PSG3: variants seen among roughly 807,000 people sequenced by gnomAD.
PSG3 encodes pregnancy-specific beta-1-glycoprotein 3.
PSG3 carries 61 observed loss-of-function variants against 47.5 expected under a neutral mutation model. The ratio of observed to expected loss-of-function variants is 1.28; its 90% CI spans 1.05 to 1.59. PSG3 has a LOEUF of 1.59. Ranked by LOEUF, PSG3 falls within the 40% of genes most tolerant of loss-of-function variation. PSG3 has a pLI of 0.00. For missense variants in PSG3, 756 were observed against 524.0 expected, an observed-to-expected ratio of 1.44 and a Z score of -4.32; for synonymous variants, 263 against 198.4, an observed-to-expected ratio of 1.33 and a Z score of -2.74.
At chr19:42,726,048 G>T (rs922284261) in intron 5 of PSG3, among the ~76,000 whole-genome samples, 1 of 151,896 alleles carries the variant, frequency 6.6e-6, no homozygotes, top group African/African-American at 2.4e-5. Flanking sequence ...AAATATGAAT[G>T]GAACTATAAT....
chr19:42,723,609 G>T (rs1969329768), intron 6 of PSG3, among the ~76,000 whole-genome samples: 2 of 152,234 alleles, frequency 1.3e-5, no homozygotes, highest in South Asian at 2.1e-4. Flanking sequence ...TTGAGAAGTG[G>T]TTGAGCTTTA....
intron 2 of PSG3, among the ~76,000 whole-genome samples, chr19:42,737,039 A>G (rs538346236): frequency 1.1e-4 from 17 of 152,148 alleles, no homozygotes; most frequent in African/African-American, 3.6e-4. Flanking sequence ...GGACACAGAG[A>G]AGCAGAGAGA....
chr19:42,729,673 G>C, intron 4 of PSG3, 105 bp downstream of exon 4: 1 of 1,566,290 alleles, frequency 6.4e-7, no homozygotes, highest in Non-Finnish European at 8.6e-7. Context: ...ATGTCCAGAA[G>C]TAATGGTATC....
intron 1 of PSG3, among the ~76,000 whole-genome samples, 174 bp downstream of exon 1, chr19:42,740,147 C>T (rs1240668403): frequency 2.6e-5 from 4 of 152,002 alleles, no homozygotes; most frequent in Non-Finnish European, 5.9e-5. Flanking sequence ...AGAGACAGGG[C>T]TTCACTGTGT....
chr19:42,740,381 C>T lies in PSG3; in HGVS notation c.4G>A (p.Gly2Arg). The part of the protein sequence containing the change: M[G>R]PLSAPPCTQR... ...GTGCAGGGAGGGGCTGAGAGGGGCC[C>T]CATGGTCTCTGCTGCCTGCGTGTTC... Residue 2 changes from glycine (G) to arginine (R), a missense_variant, in exon 1 of 7, where the codon GGG becomes AGG. By Grantham distance (125) the Gly-to-Arg change is moderately radical. Coordinates refer to ENST00000327495, the MANE Select transcript of PSG3 (RefSeq NM_021016.4). 1.2e-6 allele frequency: 2 copies of T among 1,614,026 alleles called. No homozygotes were observed. Among genetic ancestry groups the T allele is most frequent in the South Asian group, 1.1e-5 (1 of 91,070 alleles).
chr19:42,732,718 G>T (rs1263926204), intron 3 of PSG3, 66 bp downstream of exon 3: 25 of 1,613,966 alleles, frequency 1.5e-5, no homozygotes, highest in Non-Finnish European at 2.0e-5. Flanking sequence ...GGACTGAGAG[G>T]CCTGGCCTCT....
At chr19:42,734,602 G>A (rs1027561428) in intron 2 of PSG3, among the ~76,000 whole-genome samples, 4 of 152,184 alleles carry the variant, frequency 2.6e-5, no homozygotes, top group Non-Finnish European at 5.9e-5. Flanking sequence ...GCTGGTAGTA[G>A]TATTTCTCTT....
intron 5 of PSG3, among the ~76,000 whole-genome samples, chr19:42,725,542 A>G (rs1969362281): frequency 6.6e-6 from 1 of 152,196 alleles, no homozygotes; most frequent in Non-Finnish European, 1.5e-5. Flanking sequence ...AAAAAAGAGA[A>G]AAGTTTAAAA....
chr19:42,738,842 A>G lies in PSG3; in HGVS notation c.312T>C (p.Asn104=), dbSNP rs1162227725. ...TGACATTCTGGATCAGCAGGGATGC[A>G]TTGGAATATACTGTTTCTCGTCCAC... ...AYSGRETVYS[N]ASLLIQNVTR... is the part of the protein sequence containing the mutation. Residue 104 remains asparagine, a synonymous_variant, in exon 2 of 7, where the codon AAT becomes AAC. Coordinates refer to ENST00000327495, the MANE Select transcript of PSG3 (RefSeq NM_021016.4). The G allele has an allele frequency of 5.0e-6, 8 of 1,613,998 alleles. No homozygotes were observed. The highest frequency in any genetic ancestry group is 4.0e-5 in the African/African-American group (3 of 74,904).
At chr19:42,729,458 C>T (rs1408539874) in intron 4 of PSG3, 81 bp from the exon 5 acceptor site, 5 of 1,543,434 alleles carry the variant, frequency 3.2e-6, no homozygotes, top group Non-Finnish European at 4.4e-6. Context: ...GACACAGTGA[C>T]CCTCTGAGCC....
intron 5 of PSG3, among the ~76,000 whole-genome samples, chr19:42,728,162 T>C: frequency 6.6e-6 from 1 of 152,190 alleles, no homozygotes; most frequent in East Asian, 1.9e-4. Context: ...AGAGGTTTAA[T>C]ATGGTAAGAG....
rs1299966620 is a variant in PSG3, at chr19:42,724,003, A to G, written c.1266T>C (p.Leu422=). The G allele has an allele frequency of 1.2e-6, 2 of 1,612,096 alleles. No individual in the cohort carries two copies. The highest frequency in any genetic ancestry group is 1.7e-6 in the Non-Finnish European group (2 of 1,178,106). Residue 422 remains leucine (L), a synonymous_variant, in exon 6 of 7, where the codon CTT becomes CTC. Coordinates refer to ENST00000327495, the MANE Select transcript of PSG3 (RefSeq NM_021016.4). ...GCTGCTATAATGGATTAAGGCCAGG[A>G]AGATGTCCTGTTCCTGAAGGAGCTG... The part of the protein sequence containing the change: ...KVSAPSGTGH[L]PGLNPL
chr19:42,733,152 C>A, intron 2 of PSG3, 90 bp from the exon 3 acceptor site: 1 of 1,541,722 alleles, frequency 6.5e-7, no homozygotes, highest in Non-Finnish European at 8.7e-7. Context: ...TTTCCCACCT[C>A]TCAGCCCACC....
chr19:42,738,774 C>G lies in PSG3; in HGVS notation c.380G>C (p.Arg127Pro), dbSNP rs1195652739. Residue 127 changes from arginine to proline, a missense_variant, in exon 2 of 7, where the codon CGA becomes CCA. Coordinates refer to ENST00000327495, the MANE Select transcript of PSG3 (RefSeq NM_021016.4). ...AGTTTCTCCTCTAGTCCCATCACCT[C>G]GCTTTACGATGTGTAAGGTGTAGGA... is the stretch of plus-strand genomic sequence containing the variant. ...AGSYTLHIVK[R>P]GDGTRGETGH... 6.2e-7 allele frequency: 1 copy of G among 1,613,930 alleles called. No homozygotes were observed. Among genetic ancestry groups the G allele is most frequent in the African/African-American group, 1.3e-5 (1 of 74,916 alleles).
chr19:42,740,082 A>G (rs1188563336), intron 1 of PSG3, among the ~76,000 whole-genome samples: 1 of 151,716 alleles, frequency 6.6e-6, no homozygotes, highest in South Asian at 2.1e-4. Context: ...CCTCCCGGGT[A>G]GCTAGGATTA....
chr19:42,727,207 A>G (rs1326165998), intron 5 of PSG3, among the ~76,000 whole-genome samples: 1 of 152,210 alleles, frequency 6.6e-6, no homozygotes, highest in Non-Finnish European at 1.5e-5. Flanking sequence ...GGATTTCACA[A>G]TGATTTCCTG....
intron 1 of PSG3, among the ~76,000 whole-genome samples, chr19:42,739,933 C>T (rs1969640974): frequency 6.6e-6 from 1 of 151,902 alleles, no homozygotes; most frequent in Non-Finnish European, 1.5e-5. Flanking sequence ...AGACTTCTTT[C>T]CTTTTTTTCT....
At chr19:42,733,699 A>G (rs1305542159) in intron 2 of PSG3, 3 of 156,806 alleles carry the variant, frequency 1.9e-5, no homozygotes, top group African/African-American at 7.2e-5. Flanking sequence ...AGTGACCTCT[A>G]AAGATAGAGC....
intron 3 of PSG3, among the ~76,000 whole-genome samples, chr19:42,730,445 C>T (rs1969454882): frequency 6.6e-6 from 1 of 152,198 alleles, no homozygotes; most frequent in African/African-American, 2.4e-5. Context: ...TACTTTGCCC[C>T]CATAGATGTG....
Sources: gnomAD v4.1 joint callset for allele counts (sites outside exome capture counted in the v4.1 genomes callset) on GRCh38, gnomAD v4.1.1 for gene constraint, MANE v1.5 for transcripts, NCBI Gene and HGNC (gene_info 2026-07-23, HGNC 2026-07-21) for gene names.